The following PHC3 variants were observed in gnomAD, a reference collection of about 807,000 sequenced individuals.
PHC3 encodes polyhomeotic-like protein 3.
In PHC3, 13 loss-of-function variants were observed where a neutral mutation model predicts 107.4. The observed-to-expected ratio is 0.12, with a 90% CI of 0.08 to 0.19. PHC3 has a LOEUF of 0.19. Among genes scored for constraint, PHC3 ranks in the 10% least tolerant of loss-of-function variants. PHC3 has a pLI of 1.00. For synonymous variants in PHC3, 456 were observed against 427.4 expected, an observed-to-expected ratio of 1.07 and a Z score of -0.83; for missense variants, 992 against 1,210.9, an observed-to-expected ratio of 0.82 and a Z score of 2.68.
intron 14 of PHC3, among the ~76,000 whole-genome samples, chr3:170,101,498 C>T (rs1715469974): frequency 6.6e-6 from 1 of 152,062 alleles, no homozygotes; most frequent in Non-Finnish European, 1.5e-5. Flanking sequence ...AGTTAGTAGA[C>T]AAGTTCAAAT....
At chr3:170,154,580 G>A (rs1370743786) in intron 4 of PHC3, among the ~76,000 whole-genome samples, 1 of 152,126 alleles carries the variant, frequency 6.6e-6, no homozygotes, top group Non-Finnish European at 1.5e-5. Flanking sequence ...TGCTTTTTAA[G>A]GAAGTATAGT....
At chr3:170,144,346 A>G (rs572120264) in intron 6 of PHC3, among the ~76,000 whole-genome samples, 1 of 151,920 alleles carries the variant, frequency 6.6e-6, no homozygotes, top group South Asian at 2.1e-4. Flanking sequence ...TGTCTCAAAA[A>G]AAAAAAAAAA....
At chr3:170,168,141 G>T (rs1210878921) in intron 4 of PHC3, among the ~76,000 whole-genome samples, 1 of 151,074 alleles carries the variant, frequency 6.6e-6, no homozygotes, top group African/African-American at 2.4e-5. Flanking sequence ...CAGCCTCAGA[G>T]GAAGACTCTG....
rs756311582 is a variant in PHC3, at chr3:170,129,061, G to A, written c.1411C>T (p.Pro471Ser). The A allele has an allele frequency of 6.2e-7, 1 of 1,611,958 alleles. No individual in the cohort carries two copies. The highest frequency in any genetic ancestry group is 1.1e-5 in the South Asian group (1 of 90,828). ...CCAATGTGTACAACAGGGGAAGCTG[G>A]AAGTGGAAGATGGGATGGAAGATTC... The part of the protein sequence containing the change: ...QLNLPSHLPL[P>S]ASPVVHIGPV... Residue 471 changes from proline (P) to serine (S), a missense_variant, in exon 8 of 15, where the codon CCA becomes TCA. Pro to Ser is a moderately conservative substitution (Grantham distance 74). This residue lies in a region of PHC3 where 543 missense variants were observed against 590.8 expected (regional missense o/e 0.92). Coordinates refer to ENST00000495893, the MANE Select transcript of PHC3 (RefSeq NM_024947.4).
Position 170,178,839 on chromosome 3 carries a change from A to G in PHC3, c.114T>C (p.Thr38=). 6.2e-7 allele frequency: 1 copy of G among 1,613,992 alleles called. No homozygotes were observed. The highest frequency in any genetic ancestry group is 2.2e-5 in the East Asian group (1 of 44,892). Reference sequence around the variant, plus strand: ...GTGGCTGCTGCATTCGAGAGGAGGAAGTGGTGATGGTGGTGGTGGTGGTAC... The same window carrying G: ...GTGGCTGCTGCATTCGAGAGGAGGAGGTGGTGATGGTGGTGGTGGTGGTAC... ...TSSTTTTTIT[T]SSSRMQQPQI... The change falls in exon 2 of 15, where the codon ACT becomes ACC. Residue 38 remains threonine, a synonymous_variant. Coordinates refer to ENST00000495893, the MANE Select transcript of PHC3 (RefSeq NM_024947.4).
intron 4 of PHC3, among the ~76,000 whole-genome samples, chr3:170,159,453 CCA>C (rs1935185575): frequency 2.0e-5 from 3 of 151,512 alleles, no homozygotes; most frequent in Admixed American, 6.6e-5. Context: ...AGGAAATATC[CCA>C]CACACAAAAA....
At position 170,159,168 on chromosome 3, in the gene PHC3, C is replaced by A. The variant is rs145322404; in HGVS notation, c.415-9924G>T. On this transcript the variant is annotated intron_variant, in intron 4 of 14. Transcript: ENST00000495893. ...CAGGAGGCTGAGGCAGGAGAACGGG[C>A]GTGAACCTGGGAGGCGGAGCTTGCA... Among the ~76,000 whole-genome samples, 927 of 145,190 alleles carry A rather than the reference C, an allele frequency of 6.4e-3. 14 individuals carry two copies. Among genetic ancestry groups the A allele is most frequent in the African/African-American group, 0.023 (885 of 39,266 alleles).
Position 170,129,131 on chromosome 3 carries a change from A to G in PHC3, c.1341T>C (p.Asn447=). 1 of 1,613,676 alleles carries G rather than the reference A, an allele frequency of 6.2e-7. No homozygotes were observed. The highest frequency in any genetic ancestry group is 8.5e-7 in the Non-Finnish European group (1 of 1,179,736). The part of the protein sequence containing the change: ...LVSSALQPGP[N]LQQSTANQVQ... ...CCTGATTAGCAGTGGACTGCTGCAA[A>G]TTTGGCCCTGGCTGGAGAGCTGATG... Residue 447 remains asparagine (N), a synonymous_variant, in exon 8 of 15, where the codon AAT becomes AAC. Coordinates refer to ENST00000495893, the MANE Select transcript of PHC3 (RefSeq NM_024947.4).
At chr3:170,108,819 A>G (rs1421218088) in intron 11 of PHC3, among the ~76,000 whole-genome samples, 1 of 152,188 alleles carries the variant, frequency 6.6e-6, no homozygotes, top group Non-Finnish European at 1.5e-5. Context: ...CAGGAACAGG[A>G]TATGCTAAAA....
At chr3:170,178,373 C>T (rs568908839) in intron 2 of PHC3, among the ~76,000 whole-genome samples, 14 of 150,820 alleles carry the variant, frequency 9.3e-5, no homozygotes, top group South Asian at 4.2e-4. Context: ...CCTCGTGATC[C>T]GCCCGCCTCG....
chr3:170,123,356 T>TATACACACAC (rs1553787165), intron 8 of PHC3, among the ~76,000 whole-genome samples: 1 of 149,822 alleles, frequency 6.7e-6, no homozygotes, highest in Admixed American at 6.6e-5. Flanking sequence ...TTGAAATGCA[T>TATACACACAC]ACACACACAC....
chr3:170,143,932 G>T (rs957718922), intron 6 of PHC3, among the ~76,000 whole-genome samples: 1 of 151,976 alleles, frequency 6.6e-6, no homozygotes, highest in Non-Finnish European at 1.5e-5. Flanking sequence ...TGGAATCATA[G>T]AGTATGTATC....
intron 5 of PHC3, among the ~76,000 whole-genome samples, chr3:170,146,976 G>A (rs763267595): frequency 3.5e-5 from 5 of 144,350 alleles, no homozygotes; most frequent in Non-Finnish European, 6.0e-5. Context: ...TCTGCCTTCC[G>A]AGTTCAAGTG....
chr3:170,126,528 A>ATATATATATTTTTT (rs370421296), intron 8 of PHC3, among the ~76,000 whole-genome samples: 5 of 90,638 alleles, frequency 5.5e-5, no homozygotes, highest in African/African-American at 2.2e-4. Flanking sequence ...ATATATATAT[A>ATATATATATTTTTT]TTTTTTTTTT....
At chr3:170,141,512 C>T (rs902642830) in intron 6 of PHC3, among the ~76,000 whole-genome samples, 3 of 152,144 alleles carry the variant, frequency 2.0e-5, no homozygotes, top group Non-Finnish European at 2.9e-5. Flanking sequence ...TCATGAGTAC[C>T]AGCAAGAAAA....
chr3:170,153,914 G>A (rs75878756), intron 4 of PHC3, among the ~76,000 whole-genome samples: 4 of 152,110 alleles, frequency 2.6e-5, no homozygotes, highest in East Asian at 1.9e-4. Context: ...TGGCACTGGC[G>A]ATGATATTCC....
At chr3:170,164,190 T>C (rs1728368845) in intron 4 of PHC3, among the ~76,000 whole-genome samples, 1 of 152,128 alleles carries the variant, frequency 6.6e-6, no homozygotes, top group Non-Finnish European at 1.5e-5. Flanking sequence ...AGTGAGATAG[T>C]ATCTCCTAAC....
chr3:170,128,315 G>T, intron 8 of PHC3: 1 of 1,226,446 alleles, frequency 8.2e-7, no homozygotes, highest in Non-Finnish European at 1.0e-6. Context: ...CAAGCCAACA[G>T]AAGGGATCTA....
At chr3:170,164,343 T>G (rs1364721030) in intron 4 of PHC3, among the ~76,000 whole-genome samples, 1 of 152,212 alleles carries the variant, frequency 6.6e-6, no homozygotes, top group Non-Finnish European at 1.5e-5. Flanking sequence ...GTTTGTTCAA[T>G]TTTATTTAGA....
Sources: allele counts gnomAD v4.1 joint callset (sites outside exome capture counted in the v4.1 genomes callset), GRCh38; gene constraint gnomAD v4.1.1; regional missense constraint gnomAD v4.1.1; transcripts MANE v1.5; gene names NCBI Gene and HGNC (gene_info 2026-07-23, HGNC 2026-07-21).